The following GULP1 variants were observed in gnomAD, a reference collection of about 807,000 sequenced individuals.
The protein encoded by GULP1 is PTB domain-containing engulfment adapter protein 1.
In GULP1, 19 loss-of-function variants were observed where a neutral mutation model predicts 40.9. The observed-to-expected ratio is 0.46, with a 90% CI of 0.32 to 0.68. The LOEUF is 0.68. Among genes scored for constraint, GULP1 ranks in the 30% least tolerant of loss-of-function variants. The probability of loss-of-function intolerance (pLI) is 0.03; values close to 1 mark genes in which losing one functional copy is unlikely to be tolerated. For missense variants in GULP1, 312 were observed against 362.2 expected (o/e 0.86, Z 1.12); for synonymous variants, 119 against 117.6 (o/e 1.01, Z -0.08).
chr2:188,570,407 A>G (rs1339538448), intron 9 of GULP1, among the ~76,000 whole-genome samples: 1 of 152,056 alleles, frequency 6.6e-6, no homozygotes, highest in Admixed American at 6.6e-5. Flanking sequence ...TCTTTGTGGC[A>G]TATTCTTCTT....
At chr2:188,411,729 C>T (rs2053917032) in intron 2 of GULP1, among the ~76,000 whole-genome samples, 1 of 152,214 alleles carries the variant, frequency 6.6e-6, no homozygotes. Context: ...TCCAGCCAAA[C>T]CATTGGCTAC....
intron 6 of GULP1, among the ~76,000 whole-genome samples, chr2:188,530,238 C>T (rs189735089): frequency 6.6e-6 from 1 of 152,290 alleles, no homozygotes; most frequent in East Asian, 1.9e-4. Context: ...TAATTTAGCA[C>T]TCCAACCACA....
chr2:188,508,211 A>G (rs72913372), intron 4 of GULP1, among the ~76,000 whole-genome samples: 19,108 of 152,012 alleles, frequency 0.13, 1,552 homozygotes, highest in Non-Finnish European at 0.19. Context: ...TAAACATTAC[A>G]GTGAAGCATT....
chr2:188,556,241 A>G (rs914357869), intron 7 of GULP1, among the ~76,000 whole-genome samples: 3 of 151,990 alleles, frequency 2.0e-5, no homozygotes, highest in East Asian at 1.9e-4. Context: ...TACTATTTTT[A>G]TCTTTATATT....
intron 4 of GULP1, among the ~76,000 whole-genome samples, chr2:188,520,320 G>A (rs1423932242): frequency 2.0e-5 from 3 of 151,738 alleles, no homozygotes; most frequent in African/African-American, 2.4e-5. Flanking sequence ...GGTGGATCAC[G>A]AGGTCAGGAG....
At chr2:188,562,958 G>A (rs896448977) in intron 7 of GULP1, among the ~76,000 whole-genome samples, 1 of 152,036 alleles carries the variant, frequency 6.6e-6, no homozygotes, top group Non-Finnish European at 1.5e-5. Context: ...AAAAGTTACA[G>A]GGGAATTAAA....
intron 7 of GULP1, among the ~76,000 whole-genome samples, chr2:188,564,590 G>C (rs114489093): frequency 0.011 from 1,663 of 151,902 alleles, 37 homozygotes; most frequent in African/African-American, 0.037. Flanking sequence ...ATGGGAGAAA[G>C]ATACCATGTT....
chr2:188,576,158 T>A (rs537004689), intron 9 of GULP1, among the ~76,000 whole-genome samples: 1 of 151,998 alleles, frequency 6.6e-6, no homozygotes, highest in Non-Finnish European at 1.5e-5. Context: ...TTCTGCCAAC[T>A]AGACAGCCAA....
chr2:188,356,832 A>G (rs1330158713), intron 1 of GULP1, among the ~76,000 whole-genome samples: 1 of 152,192 alleles, frequency 6.6e-6, no homozygotes, highest in East Asian at 1.9e-4. Context: ...TGGTAAGCCA[A>G]ACAGCATGGT....
intron 1 of GULP1, among the ~76,000 whole-genome samples, chr2:188,295,416 C>T (rs79729923): frequency 0.023 from 3,496 of 152,224 alleles, 187 homozygotes; most frequent in East Asian, 0.18. Context: ...TGTTATTTTA[C>T]TTCTTAAACA....
intron 7 of GULP1, among the ~76,000 whole-genome samples, chr2:188,552,205 T>G (rs775450789): frequency 6.6e-6 from 1 of 151,920 alleles, no homozygotes; most frequent in Non-Finnish European, 1.5e-5. Flanking sequence ...TTGTTTGTGT[T>G]GCCAGTACTT....
At chr2:188,492,649 T>A (rs932369492) in intron 4 of GULP1, among the ~76,000 whole-genome samples, 2 of 150,580 alleles carry the variant, frequency 1.3e-5, no homozygotes, top group African/African-American at 2.4e-5. Flanking sequence ...GAATTAACTT[T>A]AAAAAAAAAG....
intron 2 of GULP1, among the ~76,000 whole-genome samples, chr2:188,389,648 C>A (rs1259152908): frequency 6.6e-6 from 1 of 151,996 alleles, no homozygotes; most frequent in Non-Finnish European, 1.5e-5. Flanking sequence ...GGGGTATCAG[C>A]GGTTTTTAGT....
At chr2:188,373,021 T>C (rs1011752061) in intron 1 of GULP1, among the ~76,000 whole-genome samples, 2 of 151,994 alleles carry the variant, frequency 1.3e-5, no homozygotes, top group South Asian at 2.1e-4. Context: ...CCTTGTTTAT[T>C]ATAAGCATTT....
chr2:188,511,270 A>G (rs1352239999), intron 4 of GULP1, among the ~76,000 whole-genome samples: 2 of 152,204 alleles, frequency 1.3e-5, no homozygotes, highest in Non-Finnish European at 2.9e-5. Flanking sequence ...TGGATGTGGC[A>G]TAGATAAGTA....
chr2:188,297,212 A>G (rs1226722205), intron 1 of GULP1, among the ~76,000 whole-genome samples: 1 of 151,962 alleles, frequency 6.6e-6, no homozygotes, highest in Non-Finnish European at 1.5e-5. Context: ...TACCTCCGAA[A>G]GAAGAGAAAA....
In GULP1 at chr2:188,548,682, T is replaced by C. The variant is rs541966601; in HGVS notation, c.399+7364T>C. Among the ~76,000 whole-genome samples the C allele has an allele frequency of 3.9e-5, 6 of 152,106 alleles. No individual in the cohort carries two copies. In the South Asian group the frequency reaches 1.2e-3, roughly 31 times the overall value. The stretch of plus-strand genomic sequence containing the variant: ...TCATCTACCCTGTTTCAAGACTTAT[T>C]AGATACCTTTACTAATGAAGACTTT... On this transcript the variant is annotated intron_variant, in intron 7 of 11. Transcript: ENST00000409830.
At chr2:188,535,656 A>G (rs928951801) in intron 6 of GULP1, among the ~76,000 whole-genome samples, 1 of 151,986 alleles carries the variant, frequency 6.6e-6, no homozygotes, top group African/African-American at 2.4e-5. Context: ...ATATGAGTGC[A>G]TGTGTCTTTT....
chr2:188,554,937 C>T (rs1694376124), intron 7 of GULP1, among the ~76,000 whole-genome samples: 1 of 151,836 alleles, frequency 6.6e-6, no homozygotes, highest in Non-Finnish European at 1.5e-5. Flanking sequence ...TGGCTTAAAG[C>T]CTATTTTATC....
Sources: gnomAD v4.1 joint callset for allele counts (sites outside exome capture counted in the v4.1 genomes callset) on GRCh38, gnomAD v4.1.1 for gene constraint, MANE v1.5 for transcripts, NCBI Gene and HGNC (gene_info 2026-07-23, HGNC 2026-07-21) for gene names.